GRM7: variants seen among roughly 807,000 people sequenced by gnomAD.
GRM7 encodes the protein metabotropic glutamate receptor 7.
In GRM7, 35 loss-of-function variants were observed where a neutral mutation model predicts 84.5. That is an observed-to-expected ratio of 0.41 (90% CI 0.32 to 0.55). The LOEUF (loss-of-function observed/expected upper bound fraction) is 0.55, where lower values mean the gene tolerates loss of function less well. GRM7 is among the 20% of genes least tolerant of loss of function. The probability of loss-of-function intolerance (pLI) is 0.19; values close to 1 mark genes in which losing one functional copy is unlikely to be tolerated. For synonymous variants in GRM7, 487 were observed against 455.1 expected, an observed-to-expected ratio of 1.07 and a Z score of -0.89; for missense variants, 1,003 against 1,194.6, an observed-to-expected ratio of 0.84 and a Z score of 2.36.
Position 7,460,099 on chromosome 3 carries a change from TAAAAA to T in GRM7, c.1376-1458_1376-1454del, listed in dbSNP as rs71066013. On this transcript the variant is annotated intron_variant, in intron 6 of 9. Transcript: ENST00000357716. ...ACAGGGAAAAGTATGCTTAAAATAG[TAAAAA>T]AAAAAAAAAAAAAAAAAAAAAAAAA... Among the ~76,000 whole-genome samples, 101 of 49,546 alleles carry T rather than the reference TAAAAA, an allele frequency of 2.0e-3. 1 individual carries two copies. The highest frequency in any genetic ancestry group is 8.6e-3 in the African/African-American group (92 of 10,754). 32.5% of individuals were successfully genotyped at this position (49,546 alleles called of 152,430 possible).
intron 7 of GRM7, among the ~76,000 whole-genome samples, chr3:7,552,631 T>C (rs1014195799): frequency 2.0e-5 from 3 of 152,194 alleles, no homozygotes; most frequent in Non-Finnish European, 4.4e-5. Flanking sequence ...CAACATCATG[T>C]GGAAGCTGCC....
intron 1 of GRM7, among the ~76,000 whole-genome samples, chr3:7,076,961 CAT>C (rs1427919157): frequency 1.3e-5 from 2 of 152,058 alleles, no homozygotes; most frequent in Non-Finnish European, 2.9e-5. Flanking sequence ...AGCCAACAAA[CAT>C]ATGAAAAAAT....
rs140511065 is a variant in GRM7 at position 7,541,302 on chromosome 3, A to G, written c.1516-37120A>G. On this transcript the variant is annotated intron_variant, in intron 7 of 9. Transcript: ENST00000357716. ...TCAAACTTTTTTTTAAGTAAGAAGA[A>G]TAGAAATTTGGAGCCAAACTTATAC... 6.0e-4 allele frequency among the ~76,000 whole-genome samples: 92 copies of G among 152,334 alleles called. 1 individual carries two copies. The highest frequency in any genetic ancestry group is 1.7e-3 in the African/African-American group (72 of 41,586).
chr3:7,143,324 C>T (rs568454187), intron 1 of GRM7, among the ~76,000 whole-genome samples: 56 of 152,268 alleles, frequency 3.7e-4, no homozygotes, highest in African/African-American at 1.3e-3. Flanking sequence ...TACATAAATT[C>T]TTCCAGTCCT....
chr3:7,030,233 A>C (rs947933194), intron 1 of GRM7, among the ~76,000 whole-genome samples: 2 of 152,268 alleles, frequency 1.3e-5, no homozygotes, highest in Non-Finnish European at 2.9e-5. Flanking sequence ...CAACTTTAGA[A>C]AATGCAGTCT....
chr3:7,303,328 T>C (rs1388994902), intron 3 of GRM7, among the ~76,000 whole-genome samples: 1 of 152,198 alleles, frequency 6.6e-6, no homozygotes, highest in African/African-American at 2.4e-5. Context: ...AGTCTCCTGT[T>C]CCATCTCACC....
intron 5 of GRM7, among the ~76,000 whole-genome samples, chr3:7,444,088 T>C (rs1488983161): frequency 6.6e-6 from 1 of 152,188 alleles, no homozygotes; most frequent in African/African-American, 2.4e-5. Context: ...CAACGATTGA[T>C]GGTAATTGCA....
chr3:7,599,980 C>A (rs941544780), intron 8 of GRM7, among the ~76,000 whole-genome samples: 1 of 152,054 alleles, frequency 6.6e-6, no homozygotes, highest in Non-Finnish European at 1.5e-5. Flanking sequence ...ACAATTGAAC[C>A]AAACAGGTCA....
At chr3:7,112,623 G>A (rs1218760209) in intron 1 of GRM7, among the ~76,000 whole-genome samples, 1 of 152,076 alleles carries the variant, frequency 6.6e-6, no homozygotes, top group Non-Finnish European at 1.5e-5. Context: ...CATCAGCCTG[G>A]TGTGTGGCAG....
At chr3:7,311,174 C>A (rs1371269409) in intron 4 of GRM7, among the ~76,000 whole-genome samples, 2 of 151,794 alleles carry the variant, frequency 1.3e-5, no homozygotes, top group African/African-American at 4.8e-5. Context: ...TCAAATATAC[C>A]TGGGAAATGT....
chr3:7,168,737 C>A (rs372041799), intron 2 of GRM7, among the ~76,000 whole-genome samples: 3 of 152,140 alleles, frequency 2.0e-5, no homozygotes, highest in Non-Finnish European at 2.9e-5. Flanking sequence ...GAAGGGAATG[C>A]GTAGTTATAC....
At chr3:7,279,722 T>C (rs1699192008) in intron 2 of GRM7, among the ~76,000 whole-genome samples, 2 of 152,184 alleles carry the variant, frequency 1.3e-5, no homozygotes, top group South Asian at 4.1e-4. Context: ...AGCTGAACTC[T>C]GTTTCTATGC....
intron 4 of GRM7, among the ~76,000 whole-genome samples, chr3:7,396,603 A>G (rs1695221757): frequency 6.6e-6 from 1 of 152,012 alleles, no homozygotes; most frequent in Non-Finnish European, 1.5e-5. Flanking sequence ...GTTTCATGCA[A>G]TTTTTCTCTT....
At chr3:7,298,979 AG>A (rs1179995405) in intron 3 of GRM7, among the ~76,000 whole-genome samples, 154 bp downstream of exon 3, 1 of 152,154 alleles carries the variant, frequency 6.6e-6, no homozygotes, top group Non-Finnish European at 1.5e-5. Flanking sequence ...CAACACATAC[AG>A]TGGTAGCATG....
At chr3:7,676,599 C>T (rs1700132404) in intron 8 of GRM7, among the ~76,000 whole-genome samples, 1 of 152,000 alleles carries the variant, frequency 6.6e-6, no homozygotes, top group Non-Finnish European at 1.5e-5. Flanking sequence ...ACTGGGATTA[C>T]AGGCACCCGC....
At chr3:7,438,016 G>C (rs1559321894) in intron 5 of GRM7, among the ~76,000 whole-genome samples, 1 of 152,072 alleles carries the variant, frequency 6.6e-6, no homozygotes, top group South Asian at 2.1e-4. Context: ...AAGGAATACG[G>C]CTCTAAGATG....
intron 9 of GRM7, among the ~76,000 whole-genome samples, chr3:7,723,609 G>A (rs1702025345): frequency 6.6e-6 from 1 of 152,146 alleles, no homozygotes; most frequent in African/African-American, 2.4e-5. Context: ...AGCACTTTGG[G>A]AGGCTGACAT....
At chr3:7,413,530 T>A (rs1696032189) in intron 4 of GRM7, among the ~76,000 whole-genome samples, 1 of 152,210 alleles carries the variant, frequency 6.6e-6, no homozygotes, top group Admixed American at 6.5e-5. Flanking sequence ...CTGCTTCTGC[T>A]GCTTTGAATT....
At chr3:7,739,980 C>A (rs1161289177) in intron 9 of GRM7, among the ~76,000 whole-genome samples, 1 of 152,130 alleles carries the variant, frequency 6.6e-6, no homozygotes, top group Non-Finnish European at 1.5e-5. Flanking sequence ...CTTTTCCAAG[C>A]AAAGGCCAGT....
Sources: gnomAD v4.1 joint callset for allele counts (sites outside exome capture counted in the v4.1 genomes callset) on GRCh38, gnomAD v4.1.1 for gene constraint, MANE v1.5 for transcripts, NCBI Gene and HGNC (gene_info 2026-07-23, HGNC 2026-07-21) for gene names.